The following FHIT variants were observed in gnomAD, a reference collection of about 807,000 sequenced individuals.
The protein encoded by FHIT is fragile histidine triad diadenosine triphosphatase.
Under a neutral mutation model 17.9 loss-of-function variants are expected in FHIT, and 19 were observed. That is an observed-to-expected ratio of 1.06 (90% CI 0.74 to 1.56). The LOEUF is 1.56. FHIT is among the 40% of genes most tolerant of loss of function. The pLI is 0.00. For missense variants in FHIT, 248 were observed against 189.2 expected (o/e 1.31, Z -1.82); for synonymous variants, 81 against 69.7 (o/e 1.16, Z -0.81).
rs373502861 is a variant in FHIT at position 60,618,899 on chromosome 3, G to T, written c.-17-81920C>A. ...AAGGGACCATAAGCCAAAGAATGCA[G>T]GGGGCCACAAAGAAAACTGAAAAGC... On this transcript the variant is annotated intron_variant, in intron 4 of 9. Coordinates refer to ENST00000492590, the MANE Select transcript of FHIT (RefSeq NM_002012.4). Among the ~76,000 whole-genome samples the T allele has an allele frequency of 3.9e-5, 6 of 152,104 alleles. No individual in the cohort carries two copies. The East Asian group carries it at 9.7e-4, about 24-fold the overall frequency.
At chr3:60,595,919 C>G (rs540640422) in intron 4 of FHIT, among the ~76,000 whole-genome samples, 1 of 152,114 alleles carries the variant, frequency 6.6e-6, no homozygotes, top group East Asian at 1.9e-4. Context: ...GCCACCATGC[C>G]TGGTCCCATA....
chr3:60,690,457 A>T (rs996542089), intron 4 of FHIT: 7 of 575,898 alleles, frequency 1.2e-5, no homozygotes, highest in Non-Finnish European at 2.1e-5. Flanking sequence ...CTTCAGGATG[A>T]AGTTCTCGTC....
chr3:59,773,091 G>C (rs916518242), intron 8 of FHIT, among the ~76,000 whole-genome samples: 5 of 152,140 alleles, frequency 3.3e-5, no homozygotes, highest in African/African-American at 1.2e-4. Context: ...TCCACCTTAA[G>C]GTTTTCAAGG....
chr3:60,449,904 G>T (rs2031607881), intron 5 of FHIT, among the ~76,000 whole-genome samples: 1 of 150,512 alleles, frequency 6.6e-6, no homozygotes, highest in Non-Finnish European at 1.5e-5. Context: ...TCAGGAGGCT[G>T]AGGCAGGAGA....
At chr3:60,409,516 T>TGAGAAATTACATTTGTTAGAA (rs1422715200) in intron 5 of FHIT, among the ~76,000 whole-genome samples, 1 of 152,194 alleles carries the variant, frequency 6.6e-6, no homozygotes, top group Non-Finnish European at 1.5e-5. Flanking sequence ...ATAGCTGTAA[T>TGAGAAATTACATTTGTTAGAA]GAGAAATTAC....
chr3:60,360,749 TC>T (rs1377151457), intron 5 of FHIT, among the ~76,000 whole-genome samples: 2 of 152,160 alleles, frequency 1.3e-5, no homozygotes, highest in Non-Finnish European at 2.9e-5. Context: ...CTCACAAGCT[TC>T]CCTTCTCAAA....
intron 4 of FHIT, among the ~76,000 whole-genome samples, chr3:60,571,562 C>G (rs1424272721): frequency 1.3e-5 from 2 of 151,932 alleles, no homozygotes; most frequent in African/African-American, 4.8e-5. Context: ...AGTGTGTCCC[C>G]AGACAGGTCA....
chr3:61,206,345 T>C (rs2039229618), intron 1 of FHIT, among the ~76,000 whole-genome samples: 1 of 136,518 alleles, frequency 7.3e-6, no homozygotes, highest in African/African-American at 2.7e-5. Context: ...TTTTTTCCAA[T>C]TCTGTGAAGA....
intron 1 of FHIT, among the ~76,000 whole-genome samples, chr3:61,222,983 T>A (rs948645498): frequency 1.3e-5 from 2 of 152,222 alleles, no homozygotes; most frequent in Non-Finnish European, 1.5e-5. Flanking sequence ...TTGCTATTTT[T>A]CTAAGAGGAC....
At chr3:60,722,705 A>ATAT (rs2041834018) in intron 4 of FHIT, among the ~76,000 whole-genome samples, 1 of 142,884 alleles carries the variant, frequency 7.0e-6, no homozygotes, top group Admixed American at 6.9e-5. Flanking sequence ...GTTACCTTAA[A>ATAT]TCTTTTTTTT....
At chr3:59,788,878 T>C (rs1699421314) in intron 8 of FHIT, among the ~76,000 whole-genome samples, 1 of 79,312 alleles carries the variant, frequency 1.3e-5, no homozygotes, top group African/African-American at 6.4e-5. Context: ...GCTGAGTTCA[T>C]ATGTTTTTTT....
intron 8 of FHIT, among the ~76,000 whole-genome samples, chr3:59,776,545 C>T (rs1406392862): frequency 1.1e-4 from 16 of 152,256 alleles, no homozygotes; most frequent in Non-Finnish European, 2.9e-5. Flanking sequence ...CAGGAAACAG[C>T]AGGGAAAGGG....
At chr3:59,959,522 G>A (rs1425317844) in intron 7 of FHIT, among the ~76,000 whole-genome samples, 1 of 152,174 alleles carries the variant, frequency 6.6e-6, no homozygotes, top group Non-Finnish European at 1.5e-5. Flanking sequence ...TACTATAGGA[G>A]GTAAGAGATC....
chr3:60,067,665 C>A (rs1305977376), intron 5 of FHIT, among the ~76,000 whole-genome samples: 1 of 152,166 alleles, frequency 6.6e-6, no homozygotes, highest in Non-Finnish European at 1.5e-5. Context: ...GTCACTTCTA[C>A]AGCAACTCAT....
At chr3:60,315,804 T>C (rs1709138952) in intron 5 of FHIT, among the ~76,000 whole-genome samples, 1 of 152,212 alleles carries the variant, frequency 6.6e-6, no homozygotes, top group Admixed American at 6.5e-5. Context: ...CTCTTGGGTA[T>C]ATACCTAGAA....
At chr3:60,148,295 T>G (rs546313408) in intron 5 of FHIT, among the ~76,000 whole-genome samples, 2 of 152,172 alleles carry the variant, frequency 1.3e-5, no homozygotes, top group Non-Finnish European at 2.9e-5. Context: ...TATGTGGTAA[T>G]AGTCTTTCAA....
chr3:60,711,955 C>T (rs1367950424), intron 4 of FHIT, among the ~76,000 whole-genome samples: 7 of 152,018 alleles, frequency 4.6e-5, no homozygotes, highest in Non-Finnish European at 1.0e-4. Flanking sequence ...AAGAGCAACT[C>T]CAAGACACAT....
At chr3:60,380,863 A>C (rs1700769901) in intron 5 of FHIT, among the ~76,000 whole-genome samples, 2 of 152,170 alleles carry the variant, frequency 1.3e-5, no homozygotes, top group South Asian at 4.2e-4. Context: ...TCTCAACATG[A>C]CTAGAGGCTT....
At chr3:60,200,155 A>T (rs1702831542) in intron 5 of FHIT, among the ~76,000 whole-genome samples, 1 of 152,150 alleles carries the variant, frequency 6.6e-6, no homozygotes, top group South Asian at 2.1e-4. Flanking sequence ...GGGTGTCTCC[A>T]TCCAGAGGAC....
Sources: allele counts gnomAD v4.1 joint callset (sites outside exome capture counted in the v4.1 genomes callset), GRCh38; gene constraint gnomAD v4.1.1; transcripts MANE v1.5; gene names NCBI Gene and HGNC (gene_info 2026-07-23, HGNC 2026-07-21).